The following MTHFD2L variants were observed in gnomAD, a reference collection of about 807,000 sequenced individuals.
MTHFD2L encodes the protein methylenetetrahydrofolate dehydrogenase (NADP+ dependent) 2 like, also known as bifunctional methylenetetrahydrofolate dehydrogenase/cyclohydrolase 2, mitochondrial.
A neutral mutation model predicts 34.9 loss-of-function variants in MTHFD2L; 29 were observed. That is an observed-to-expected ratio of 0.83 (90% CI 0.62 to 1.13). The LOEUF is 1.13. Among genes scored for constraint, MTHFD2L ranks in the 50% most tolerant of loss-of-function variants. The probability of loss-of-function intolerance (pLI) is 0.00; values close to 1 mark genes in which losing one functional copy is unlikely to be tolerated. For missense variants in MTHFD2L, 481 were observed against 446.5 expected (o/e 1.08, Z -0.70); for synonymous variants, 167 against 155.7 (o/e 1.07, Z -0.54).
chr4:74,286,461 A>T (rs1303946245), intron 7 of MTHFD2L, among the ~76,000 whole-genome samples: 1 of 152,196 alleles, frequency 6.6e-6, no homozygotes, highest in African/African-American at 2.4e-5. Flanking sequence ...CTTTATTCTC[A>T]AAAGATAGAA....
intron 5 of MTHFD2L, among the ~76,000 whole-genome samples, chr4:74,206,654 T>G (rs554276875): frequency 7.2e-5 from 11 of 152,172 alleles, no homozygotes; most frequent in African/African-American, 2.7e-4. Flanking sequence ...TACATTTTTT[T>G]TTTTACTTAT....
At chr4:74,159,253 G>A (rs994158290) in intron 1 of MTHFD2L, among the ~76,000 whole-genome samples, 3 of 152,154 alleles carry the variant, frequency 2.0e-5, no homozygotes, top group Non-Finnish European at 2.9e-5. Context: ...AATTTCTTGT[G>A]ACTAGGTCTT....
At chr4:74,196,117 A>G (rs181807535) in intron 3 of MTHFD2L, among the ~76,000 whole-genome samples, 1 of 152,338 alleles carries the variant, frequency 6.6e-6, no homozygotes, top group East Asian at 1.9e-4. Context: ...TTCATAAATG[A>G]TAGAGATAAT....
At chr4:74,216,169 T>G (rs1737177478) in intron 5 of MTHFD2L, among the ~76,000 whole-genome samples, 1 of 151,842 alleles carries the variant, frequency 6.6e-6, no homozygotes, top group Non-Finnish European at 1.5e-5. Flanking sequence ...TAGGGCAATT[T>G]CCTTTATCAT....
At chr4:74,300,472 A>T (rs2110336523) in intron 7 of MTHFD2L, among the ~76,000 whole-genome samples, 1 of 152,220 alleles carries the variant, frequency 6.6e-6, no homozygotes, top group East Asian at 1.9e-4. Flanking sequence ...ATTCATGCAG[A>T]AGTCTATATG....
chr4:74,158,413 C>T, intron 1 of MTHFD2L, 132 bp downstream of exon 1: 2 of 689,274 alleles, frequency 2.9e-6, no homozygotes, highest in Admixed American at 6.0e-5. Context: ...TCGAGGACAG[C>T]CTTGTCTGTG....
intron 1 of MTHFD2L, among the ~76,000 whole-genome samples, chr4:74,148,289 T>C (rs1723718958): frequency 6.8e-6 from 1 of 147,678 alleles, no homozygotes. Context: ...CATTGTTCTT[T>C]TCATGATGGT....
chr4:74,199,957 T>G lies in MTHFD2L; in HGVS notation c.604+11T>G, dbSNP rs368938046. ...TAATAAAAAGAACAGGTTGGTAATTTGTGGTCTGCAGGACATGGATGCTAG... is the reference window on the plus strand; with the variant it reads ...TAATAAAAAGAACAGGTTGGTAATTGGTGGTCTGCAGGACATGGATGCTAG... On this transcript the variant is annotated intron_variant, in intron 4 of 7. Transcript: ENST00000325278. 7.9e-5 allele frequency: 127 copies of G among 1,613,786 alleles called. No individual in the cohort carries two copies. The African/African-American group carries it at 1.7e-3, about 22-fold the overall frequency.
intron 6 of MTHFD2L, among the ~76,000 whole-genome samples, chr4:74,227,586 G>A (rs1739364330): frequency 6.6e-6 from 1 of 152,074 alleles, no homozygotes. Flanking sequence ...ACAGGTCTTT[G>A]ACGGCTTATT....
At chr4:74,241,128 T>C (rs1256422807) in intron 6 of MTHFD2L, among the ~76,000 whole-genome samples, 3 of 152,142 alleles carry the variant, frequency 2.0e-5, no homozygotes, top group African/African-American at 4.8e-5. Context: ...GGGGCAAGAA[T>C]ATGAGGGAAA....
intron 6 of MTHFD2L, chr4:74,267,433 C>T (rs952947677): frequency 9.6e-6 from 3 of 311,296 alleles, no homozygotes; most frequent in Non-Finnish European, 1.4e-5. Flanking sequence ...TCTTTGACAG[C>T]ATATCACTTT....
At chr4:74,293,636 C>T in intron 7 of MTHFD2L, 1 of 465,600 alleles carries the variant, frequency 2.1e-6, no homozygotes, top group Non-Finnish European at 2.8e-6. Flanking sequence ...TGGCAAGCTA[C>T]TAACTTGTTA....
intron 3 of MTHFD2L, among the ~76,000 whole-genome samples, chr4:74,185,354 A>T (rs1340189633): frequency 6.6e-6 from 1 of 151,968 alleles, no homozygotes; most frequent in African/African-American, 2.4e-5. Context: ...ACACAGCACT[A>T]AACACATATC....
intron 7 of MTHFD2L, among the ~76,000 whole-genome samples, chr4:74,290,376 G>A (rs1748733480): frequency 6.6e-6 from 1 of 152,074 alleles, no homozygotes; most frequent in South Asian, 2.1e-4. Flanking sequence ...TTCACTCCCT[G>A]CTCTTTTTGT....
intron 3 of MTHFD2L, among the ~76,000 whole-genome samples, chr4:74,186,284 G>A (rs945036257): frequency 3.3e-5 from 5 of 151,784 alleles, no homozygotes; most frequent in Non-Finnish European, 1.5e-5. Context: ...AATTGATTAT[G>A]AAACACTGAG....
At chr4:74,299,532 A>C (rs758535956) in intron 7 of MTHFD2L, among the ~76,000 whole-genome samples, 28 of 152,008 alleles carry the variant, frequency 1.8e-4, no homozygotes, top group Non-Finnish European at 2.1e-4. Context: ...CCATTAAGTC[A>C]GCTTATTGAA....
intron 5 of MTHFD2L, among the ~76,000 whole-genome samples, chr4:74,206,116 T>G (rs1291469486): frequency 1.3e-5 from 2 of 150,558 alleles, no homozygotes; most frequent in African/African-American, 4.9e-5. Flanking sequence ...AGACAGTAAC[T>G]TTATTAACCA....
chr4:74,206,438 C>T (rs1227340270), intron 5 of MTHFD2L, among the ~76,000 whole-genome samples: 3 of 152,048 alleles, frequency 2.0e-5, no homozygotes, highest in Non-Finnish European at 4.4e-5. Context: ...AGATTAGCTC[C>T]TGGAACTTCT....
At chr4:74,153,898 T>C (rs924701600), upstream of MTHFD2L, among the ~76,000 whole-genome samples, 10 of 152,202 alleles carry the variant, frequency 6.6e-5, no homozygotes, top group Admixed American at 5.9e-4. Flanking sequence ...TATTGATACA[T>C]TACTATTAAC....
Sources: allele counts gnomAD v4.1 joint callset (sites outside exome capture counted in the v4.1 genomes callset), GRCh38; gene constraint gnomAD v4.1.1; transcripts MANE v1.5; gene names NCBI Gene and HGNC (gene_info 2026-07-23, HGNC 2026-07-21).